The following NDRG4 variants were observed in gnomAD, a reference collection of about 807,000 sequenced individuals.
NDRG4 encodes the protein NDRG family member 4.
Under a neutral mutation model 55.8 loss-of-function variants are expected in NDRG4, and 38 were observed. The observed-to-expected ratio is 0.68, with a 90% CI of 0.53 to 0.89. The LOEUF is 0.89. NDRG4 is among the 40% of genes least tolerant of loss of function. The pLI, the probability that NDRG4 is intolerant of heterozygous loss-of-function variation, is 0.00. For missense variants in NDRG4, 455 were observed against 468.6 expected, an observed-to-expected ratio of 0.97 and a Z score of 0.27; for synonymous variants, 190 against 182.7, an observed-to-expected ratio of 1.04 and a Z score of -0.32.
chr16:58,482,673 C>CTTCCTTCCTCCCTCCCTCCT (rs2034559687), intron 1 of NDRG4, among the ~76,000 whole-genome samples: 1 of 135,862 alleles, frequency 7.4e-6, no homozygotes, highest in African/African-American at 3.5e-5. Flanking sequence ...CCATCCCTCC[C>CTTCCTTCCTCCCTCCCTCCT]TTCCTTCCTC....
rs185144323 is a variant in NDRG4 at position 58,475,121 on chromosome 16, A to G, written c.-24+11324A>G. Among the ~76,000 whole-genome samples the G allele has an allele frequency of 1.1e-3, 163 of 152,316 alleles. 1 individual carries two copies. Among genetic ancestry groups the G allele is most frequent in the African/African-American group, 3.8e-3 (156 of 41,570 alleles). Reference sequence around the variant, plus strand: ...TGTGCCAGAGAAGTTTCATTGACTCAGTTTACCTGTTTGAATCTTGCACAA... The same window carrying G: ...TGTGCCAGAGAAGTTTCATTGACTCGGTTTACCTGTTTGAATCTTGCACAA... On this transcript the variant is annotated intron_variant, in intron 1 of 15. Transcript: ENST00000258187.
chr16:58,506,203 A>C, intron 5 of NDRG4, 184 bp from the exon 6 acceptor site: 1 of 688,552 alleles, frequency 1.5e-6, no homozygotes, highest in Non-Finnish European at 2.6e-6. Context: ...TTCTAAATAA[A>C]TCCAAGAACT....
At position 58,504,490 on chromosome 16, in the gene NDRG4, C is replaced by T. The variant is rs113431743; in HGVS notation, c.311+69C>T. On this transcript the variant is annotated intron_variant, in intron 4 of 14. Coordinates refer to ENST00000570248, the MANE Select transcript of NDRG4 (RefSeq NM_001242835.2). ...ACCCCAACTGCAGAGCCACCTGGCTCCAGCTGAGGGCTTCAGGCTATGGGC... is the reference window on the plus strand; with the variant it reads ...ACCCCAACTGCAGAGCCACCTGGCTTCAGCTGAGGGCTTCAGGCTATGGGC... The T allele has an allele frequency of 7.4e-6, 12 of 1,611,554 alleles. No homozygotes were observed. In the African/African-American group the frequency reaches 8.0e-5, roughly 11 times the overall value.
At chr16:58,485,323 G>C (rs1278133714) in intron 1 of NDRG4, among the ~76,000 whole-genome samples, 2 of 152,170 alleles carry the variant, frequency 1.3e-5, no homozygotes, top group East Asian at 3.8e-4. Context: ...CGGTTCTCTG[G>C]ATGATGAGGT....
chr16:58,500,046 G>C, upstream of NDRG4: 2 of 1,416,820 alleles, frequency 1.4e-6, no homozygotes, highest in Admixed American at 5.0e-5. Flanking sequence ...TGGGGCTCCT[G>C]GTAAGCGAGT....
At chr16:58,478,414 A>G (rs1379800318) in intron 1 of NDRG4, among the ~76,000 whole-genome samples, 1 of 151,698 alleles carries the variant, frequency 6.6e-6, no homozygotes, top group African/African-American at 2.4e-5. Context: ...TGTCAAGGTT[A>G]TAAAAGATGG....
At chr16:58,477,137 T>C (rs919481223) in intron 1 of NDRG4, among the ~76,000 whole-genome samples, 4 of 151,230 alleles carry the variant, frequency 2.6e-5, no homozygotes, top group African/African-American at 9.7e-5. Context: ...ATGTGATATA[T>C]ATATGTGTGA....
intron 1 of NDRG4, among the ~76,000 whole-genome samples, chr16:58,472,717 T>G (rs986912599): frequency 1.3e-4 from 20 of 152,024 alleles, no homozygotes; most frequent in Non-Finnish European, 1.3e-4. Flanking sequence ...TCCTACTAGT[T>G]TGGTTCTCTG....
At chr16:58,511,112 C>T in intron 14 of NDRG4, 2 of 487,660 alleles carry the variant, frequency 4.1e-6, no homozygotes, top group South Asian at 3.0e-5. Flanking sequence ...TCCGCGTCCT[C>T]CTTTACAGAA....
chr16:58,483,530 A>C (rs2034717565), intron 1 of NDRG4, among the ~76,000 whole-genome samples: 1 of 152,078 alleles, frequency 6.6e-6, no homozygotes, highest in African/African-American at 2.4e-5. Context: ...GGCCTCTTAC[A>C]TGTCTCTGTC....
At chr16:58,489,414 G>A (rs947625467) in intron 2 of NDRG4, among the ~76,000 whole-genome samples, 1 of 151,660 alleles carries the variant, frequency 6.6e-6, no homozygotes, top group East Asian at 1.9e-4. Context: ...TAGCCTCCTT[G>A]AACATGCCCA....
At chr16:58,478,472 T>A (rs1172485593) in intron 1 of NDRG4, among the ~76,000 whole-genome samples, 1 of 151,792 alleles carries the variant, frequency 6.6e-6, no homozygotes, top group African/African-American at 2.4e-5. Context: ...ACATACCAAC[T>A]AAATACGATG....
chr16:58,483,721 A>G (rs2034744139), intron 1 of NDRG4, among the ~76,000 whole-genome samples: 1 of 152,236 alleles, frequency 6.6e-6, no homozygotes, highest in South Asian at 2.1e-4. Context: ...CACACTGATC[A>G]CCTATGTGAT....
rs1463652013 is a variant in NDRG4, at chr16:58,513,112, C to G, written c.*1536C>G. ...TCTTACTGTAGATAACACTGCAAAT[C>G]TTGGAATTTTGTTTTTTGCTGTTTC... On this transcript the variant is annotated 3_prime_UTR_variant, in exon 15 of 15. Coordinates refer to ENST00000570248, the MANE Select transcript of NDRG4 (RefSeq NM_001242835.2). The G allele has an allele frequency of 1.3e-5, 2 of 152,228 alleles. No individual in the cohort carries two copies. Among genetic ancestry groups the G allele is most frequent in the African/African-American group, 4.9e-5 (2 of 41,214 alleles). The allele number at this position is 152,228 out of a possible 1,614,324, so 9.4% of individuals were successfully genotyped here.
intron 1 of NDRG4, among the ~76,000 whole-genome samples, chr16:58,485,534 G>A (rs1440637817): frequency 6.6e-6 from 1 of 152,176 alleles, no homozygotes; most frequent in Non-Finnish European, 1.5e-5. Context: ...AGGAAGGCAG[G>A]TGGCTAAAAT....
intron 1 of NDRG4, among the ~76,000 whole-genome samples, chr16:58,478,697 G>GTTTTTTTT (rs59525801): frequency 1.5e-5 from 2 of 137,756 alleles, no homozygotes; most frequent in African/African-American, 2.7e-5. Flanking sequence ...TTTGTTTTTT[G>GTTTTTTTT]TTTTTTTTTT....
chr16:58,479,391 T>C (rs1295570609), intron 1 of NDRG4, among the ~76,000 whole-genome samples: 1 of 152,218 alleles, frequency 6.6e-6, no homozygotes, highest in Non-Finnish European at 1.5e-5. Flanking sequence ...CAGATTGTAC[T>C]CCTCCACTCG....
chr16:58,509,524 C>T (rs759536106), intron 13 of NDRG4, 172 bp downstream of exon 13: 10 of 669,898 alleles, frequency 1.5e-5, no homozygotes, highest in Non-Finnish European at 2.3e-5. Context: ...CCACAGATGC[C>T]ACCTGAGTTG....
chr16:58,500,382 T>C, intron 1 of NDRG4, 113 bp downstream of exon 1: 1 of 1,374,376 alleles, frequency 7.3e-7, no homozygotes, highest in Non-Finnish European at 9.8e-7. Context: ...AGCCCGGCCT[T>C]CAAATAGCCT....
Sources: gnomAD v4.1 joint callset for allele counts (sites outside exome capture counted in the v4.1 genomes callset) on GRCh38, gnomAD v4.1.1 for gene constraint, MANE v1.5 for transcripts, NCBI Gene and HGNC (gene_info 2026-07-23, HGNC 2026-07-21) for gene names.